MYO1E: variants seen among roughly 807,000 people sequenced by gnomAD.
MYO1E encodes the protein myosin IE, also known as unconventional myosin-Ie.
MYO1E carries 68 observed loss-of-function variants against 151.1 expected under a neutral mutation model. The observed-to-expected ratio is 0.45, with a 90% CI of 0.37 to 0.55. The LOEUF (loss-of-function observed/expected upper bound fraction) is 0.55. MYO1E is among the 20% of genes least tolerant of loss of function. MYO1E has a pLI of 0.00. For missense variants in MYO1E, 1,363 were observed against 1,389.3 expected, an observed-to-expected ratio of 0.98 and a Z score of 0.30; for synonymous variants, 601 against 501.7, an observed-to-expected ratio of 1.20 and a Z score of -2.64.
rs541325458 is a variant in MYO1E, at chr15:59,299,491, G to C, written c.4-27042C>G. ...AACAAAACTTATGTTAGGCCTTGGG[G>C]ATAGGATGATGTTTTAAAAAGATAC... is the stretch of plus-strand genomic sequence containing the variant. On this transcript the variant is annotated intron_variant, in intron 1 of 27. Coordinates refer to ENST00000288235, the MANE Select transcript of MYO1E (RefSeq NM_004998.4). 2.0e-5 allele frequency among the ~76,000 whole-genome samples: 3 copies of C among 152,306 alleles called. No individual in the cohort carries two copies. In the South Asian group the frequency reaches 6.2e-4, roughly 32 times the overall value.
At chr15:59,182,649 G>C (rs540334389) in intron 18 of MYO1E, among the ~76,000 whole-genome samples, 2 of 152,138 alleles carry the variant, frequency 1.3e-5, no homozygotes, top group African/African-American at 4.8e-5. Context: ...AAGGATACAA[G>C]CATTTCAGTG....
In MYO1E at chr15:59,251,869, G is replaced by A. The variant is rs1290096883; in HGVS notation, c.332+4415C>T. On this transcript the variant is annotated intron_variant, in intron 4 of 27. Coordinates refer to ENST00000288235, the MANE Select transcript of MYO1E (RefSeq NM_004998.4). Reference sequence around the variant, plus strand: ...AAGGATTATTTTAAGTGACTTTTATGAAACCCAGTATTTTGACTGCAAATA... The same window carrying A: ...AAGGATTATTTTAAGTGACTTTTATAAAACCCAGTATTTTGACTGCAAATA... Among the ~76,000 whole-genome samples, 3 of 152,236 alleles carry A rather than the reference G, an allele frequency of 2.0e-5. No individual in the cohort carries two copies. The East Asian group carries it at 5.8e-4, about 29-fold the overall frequency.
chr15:59,276,745 C>T (rs573947492), intron 1 of MYO1E, among the ~76,000 whole-genome samples: 153 of 152,334 alleles, frequency 1.0e-3, no homozygotes, highest in Middle Eastern at 3.4e-3. Context: ...CTGGGAACCT[C>T]AGATGGGTGA....
At chr15:59,175,886 G>A (rs1290237163) in intron 19 of MYO1E, among the ~76,000 whole-genome samples, 3 of 152,042 alleles carry the variant, frequency 2.0e-5, no homozygotes, top group African/African-American at 7.3e-5. Flanking sequence ...AAATTAGGGA[G>A]GTTCAAGAAA....
intron 1 of MYO1E, among the ~76,000 whole-genome samples, chr15:59,285,088 G>A (rs868425450): frequency 6.6e-6 from 1 of 152,048 alleles, no homozygotes; most frequent in Admixed American, 6.5e-5. Context: ...TTAGACATTC[G>A]GTAATACGAT....
Position 59,261,489 on chromosome 15 carries a change from T to A in MYO1E, c.168A>T (p.Leu56Phe). Residue 56 changes from leucine (L) to phenylalanine (F), a missense_variant, in exon 3 of 28, where the codon TTA (leucine) becomes TTT (phenylalanine). Leu to Phe is a conservative substitution (Grantham distance 22, BLOSUM62 0). Transcript: ENST00000288235. ...DYIFTYIGSV[L>F]ISVNPFKQMP... ...TCTGCTTGAAAGGGTTGACTGAGAT[T>A]AATACAGATCCTATATATGTCTGAA... is the stretch of plus-strand genomic sequence containing the variant. 6.2e-7 allele frequency: 1 copy of A among 1,604,200 alleles called. No individual in the cohort carries two copies. Among genetic ancestry groups the A allele is most frequent in the Non-Finnish European group, 8.5e-7 (1 of 1,171,178 alleles).
In MYO1E at chr15:59,214,249, T is replaced by C; in HGVS notation, c.1254A>G (p.Glu418=). ...TTACCTGTTCTGCCTTTAATGTCAG[T>C]TCAATAAAAATCTGCTGCAGTTTTT... The part of the protein sequence containing the change: ...VNEKLQQIFI[E]LTLKAEQEEY... The change falls in exon 12 of 28, where the codon GAA becomes GAG. Residue 418 remains glutamate, a synonymous_variant. Coordinates refer to ENST00000288235, the MANE Select transcript of MYO1E (RefSeq NM_004998.4). 3 of 1,613,066 alleles carry C rather than the reference T, an allele frequency of 1.9e-6. No homozygotes were observed. Among genetic ancestry groups the C allele is most frequent in the Non-Finnish European group, 2.5e-6 (3 of 1,179,442 alleles).
chr15:59,259,225 C>T (rs1422200288), intron 3 of MYO1E, among the ~76,000 whole-genome samples: 2 of 152,146 alleles, frequency 1.3e-5, no homozygotes, highest in Non-Finnish European at 2.9e-5. Context: ...AATAACAGAA[C>T]AGTAGGGTTT....
At chr15:59,233,759 A>G (rs1566987498) in intron 5 of MYO1E, among the ~76,000 whole-genome samples, 1 of 151,224 alleles carries the variant, frequency 6.6e-6, no homozygotes, top group African/African-American at 2.4e-5. Flanking sequence ...ACAGGAATAG[A>G]GAAAAGCAAG....
intron 13 of MYO1E, 43 bp downstream of exon 13, chr15:59,210,471 T>A: frequency 7.6e-7 from 1 of 1,313,340 alleles, no homozygotes. Context: ...TCACTTAATG[T>A]AAACCTGTGA....
At chr15:59,151,045 A>G (rs757326100) in intron 26 of MYO1E, among the ~76,000 whole-genome samples, 1,229 of 75,478 alleles carry the variant, frequency 0.016, 4 homozygotes, top group Non-Finnish European at 0.022. Flanking sequence ...ACACACACAC[A>G]CACACGCGCG....
chr15:59,262,906 C>T (rs1356376426), intron 2 of MYO1E, among the ~76,000 whole-genome samples: 1 of 152,086 alleles, frequency 6.6e-6, no homozygotes, highest in Admixed American at 6.6e-5. Flanking sequence ...TGGGTGCTTA[C>T]TTAACATGCC....
chr15:59,205,293 G>C (rs2079826144), intron 15 of MYO1E, 107 bp downstream of exon 15: 2 of 1,104,506 alleles, frequency 1.8e-6, no homozygotes, highest in Non-Finnish European at 1.4e-6. Context: ...CTCCTGAGTA[G>C]CTGGGACTAT....
intron 1 of MYO1E, among the ~76,000 whole-genome samples, chr15:59,300,294 G>A (rs1208412214): frequency 3.4e-5 from 5 of 146,144 alleles, no homozygotes; most frequent in Admixed American, 6.6e-5. Flanking sequence ...TGCCCAGCAC[G>A]CGCACACACA....
intron 10 of MYO1E, among the ~76,000 whole-genome samples, chr15:59,216,282 T>C (rs1189526485): frequency 6.6e-6 from 1 of 151,904 alleles, no homozygotes; most frequent in Non-Finnish European, 1.5e-5. Context: ...CTTGGGCAAA[T>C]TCCTTAATCG....
At chr15:59,306,620 G>A (rs1445567671) in intron 1 of MYO1E, among the ~76,000 whole-genome samples, 3 of 152,212 alleles carry the variant, frequency 2.0e-5, no homozygotes, top group African/African-American at 7.2e-5. Context: ...GAGTGCCAAG[G>A]ATTTAAATAT....
At chr15:59,298,266 G>A (rs1194562687) in intron 1 of MYO1E, among the ~76,000 whole-genome samples, 5 of 152,136 alleles carry the variant, frequency 3.3e-5, no homozygotes, top group African/African-American at 7.2e-5. Context: ...ATTAAACTCC[G>A]AAACTGAGTT....
chr15:59,288,377 A>G (rs547933716), intron 1 of MYO1E, among the ~76,000 whole-genome samples: 3 of 152,108 alleles, frequency 2.0e-5, no homozygotes, highest in Non-Finnish European at 2.9e-5. Flanking sequence ...GGGTCTCACT[A>G]TGTTGCCCAG....
chr15:59,312,086 C>A (rs1188907734), intron 1 of MYO1E, among the ~76,000 whole-genome samples: 1 of 152,218 alleles, frequency 6.6e-6, no homozygotes, highest in East Asian at 1.9e-4. Context: ...TATATTTTCT[C>A]TCTTAATTCA....
Sources: gnomAD v4.1 joint callset for allele counts (sites outside exome capture counted in the v4.1 genomes callset) on GRCh38, gnomAD v4.1.1 for gene constraint, MANE v1.5 for transcripts, NCBI Gene and HGNC (gene_info 2026-07-23, HGNC 2026-07-21) for gene names.